Variants in ATP2B2 observed in about 807,000 individuals in gnomAD.
ATP2B2 encodes plasma membrane calcium-transporting ATPase 2.
ATP2B2 carries 15 observed loss-of-function variants against 120.0 expected under a neutral mutation model. The observed-to-expected ratio is 0.12, with a 90% confidence interval of 0.08 to 0.19. The LOEUF (loss-of-function observed/expected upper bound fraction) is 0.19, where lower values mean the gene tolerates loss of function less well. Ranked by LOEUF, ATP2B2 falls within the 10% of genes least tolerant of loss-of-function variation. The pLI is 1.00. For synonymous variants in ATP2B2, 694 were observed against 700.3 expected, an observed-to-expected ratio of 0.99 and a Z score of 0.14; for missense variants, 1,045 against 1,719.8, an observed-to-expected ratio of 0.61 and a Z score of 6.94.
At chr3:10,499,715 C>T (rs1434133040) in intron 1 of ATP2B2, among the ~76,000 whole-genome samples, 1 of 152,112 alleles carries the variant, frequency 6.6e-6, no homozygotes, top group Non-Finnish European at 1.5e-5. Flanking sequence ...CCCTGCCTGT[C>T]TCCAGCCTCT....
At chr3:10,477,182 A>G (rs957632483) in intron 1 of ATP2B2, among the ~76,000 whole-genome samples, 1 of 152,176 alleles carries the variant, frequency 6.6e-6, no homozygotes, top group African/African-American at 2.4e-5. Context: ...CAGCTTCAAC[A>G]GATCTCAAGC....
chr3:10,528,604 G>C (rs889434762), intron 3 of ATP2B2, among the ~76,000 whole-genome samples: 2 of 152,116 alleles, frequency 1.3e-5, no homozygotes, highest in Non-Finnish European at 2.9e-5. Context: ...TTCCTCCTTC[G>C]TGTGCCAACG....
At chr3:10,471,096 G>T (rs192762163) in intron 1 of ATP2B2, among the ~76,000 whole-genome samples, 1 of 152,186 alleles carries the variant, frequency 6.6e-6, no homozygotes. Flanking sequence ...AACCCGATCC[G>T]CAGTCCGACC....
rs757823801 is a variant in ATP2B2 at position 10,328,886 on chromosome 3, C to T, written c.3660G>A (p.Thr1220=). 9.9e-6 allele frequency: 16 copies of T among 1,613,730 alleles called. No individual in the cohort carries two copies. Among genetic ancestry groups the T allele is most frequent in the Middle Eastern group, 1.6e-4 (1 of 6,062 alleles). ...AGGTAGCTGATTTGCTTGTGTCGGT[C>T]GTCAGGTTGATCCCACTGTCGATGG... The part of the protein sequence containing the change: ...NSAIDSGINL[T]TDTSKSATSS... Residue 1220 remains threonine, a synonymous_variant, in exon 23 of 23, where the codon ACG becomes ACA. Coordinates refer to ENST00000360273, the MANE Select transcript of ATP2B2 (RefSeq NM_001001331.4).
At chr3:10,445,619 T>A (rs1436289671) in intron 2 of ATP2B2, among the ~76,000 whole-genome samples, 1 of 152,266 alleles carries the variant, frequency 6.6e-6, no homozygotes, top group Non-Finnish European at 1.5e-5. Context: ...CTGCCAGCCG[T>A]GCCCTGGGTG....
chr3:10,529,467 C>T (rs1052625737), intron 3 of ATP2B2, among the ~76,000 whole-genome samples: 5 of 152,222 alleles, frequency 3.3e-5, no homozygotes, highest in African/African-American at 1.2e-4. Context: ...ACAATGACCC[C>T]ACAGTCTCAG....
chr3:10,678,513 G>A (rs1476496720), intron 1 of ATP2B2, among the ~76,000 whole-genome samples: 1 of 152,160 alleles, frequency 6.6e-6, no homozygotes, highest in Non-Finnish European at 1.5e-5. Flanking sequence ...TGGCTTCTGG[G>A]GGCCCAGGTC....
At chr3:10,503,719 G>T in intron 1 of ATP2B2, among the ~76,000 whole-genome samples, 1 of 152,274 alleles carries the variant, frequency 6.6e-6, no homozygotes, top group East Asian at 1.9e-4. Context: ...CAATGCACGG[G>T]CAGGCACGCA....
intron 1 of ATP2B2, among the ~76,000 whole-genome samples, chr3:10,487,515 T>C (rs1049249298): frequency 6.6e-6 from 1 of 152,222 alleles, no homozygotes; most frequent in Admixed American, 6.5e-5. Context: ...ATGAAGCCAG[T>C]GGGCCACAAA....
chr3:10,632,857 C>G lies in ATP2B2; in HGVS notation c.-459-12896G>C, dbSNP rs369121996. ...CCCGGAATAGTGAGGCCCAGTGGAA[C>G]TGCTGCTTATCCCTGTTCCCCTGGT... On this transcript the variant is annotated intron_variant, in intron 1 of 21. Transcript: ENST00000646379. 2.6e-3 allele frequency among the ~76,000 whole-genome samples: 403 copies of G among 152,368 alleles called. 23 individuals are homozygous for G. The South Asian group carries it at 0.073, about 28-fold the overall frequency.
At chr3:10,362,453 G>GA (rs1409625668) in intron 12 of ATP2B2, among the ~76,000 whole-genome samples, 1 of 151,984 alleles carries the variant, frequency 6.6e-6, no homozygotes, top group Non-Finnish European at 1.5e-5. Flanking sequence ...GGATGCATAG[G>GA]AAAAAAAAGA....
chr3:10,497,946 C>T (rs981319407), intron 1 of ATP2B2, among the ~76,000 whole-genome samples: 3 of 152,192 alleles, frequency 2.0e-5, no homozygotes, highest in African/African-American at 7.2e-5. Flanking sequence ...CTGGCTTCTT[C>T]CCACCAGCCT....
intron 2 of ATP2B2, among the ~76,000 whole-genome samples, chr3:10,593,978 A>C (rs2068703335): frequency 6.6e-6 from 1 of 152,260 alleles, no homozygotes; most frequent in South Asian, 2.1e-4. Flanking sequence ...GCTCATCATC[A>C]CTGGCCATCA....
chr3:10,341,772 C>G (rs2060285706), intron 19 of ATP2B2, among the ~76,000 whole-genome samples: 1 of 152,230 alleles, frequency 6.6e-6, no homozygotes, highest in Non-Finnish European at 1.5e-5. Flanking sequence ...TCCAACCCCT[C>G]CACCTCCTCT....
At chr3:10,520,181 C>T (rs34069475) in intron 3 of ATP2B2, among the ~76,000 whole-genome samples, 15 of 152,216 alleles carry the variant, frequency 9.9e-5, no homozygotes, top group Non-Finnish European at 2.1e-4. Context: ...TGTCCTTAGC[C>T]AGAAAATTAA....
chr3:10,513,913 G>A (rs2066826565), intron 3 of ATP2B2, among the ~76,000 whole-genome samples: 1 of 152,146 alleles, frequency 6.6e-6, no homozygotes, highest in Admixed American at 6.5e-5. Context: ...ACCCCCCAGG[G>A]CAGCTGGGTA....
intron 2 of ATP2B2, among the ~76,000 whole-genome samples, chr3:10,609,837 G>A (rs1165061122): frequency 2.6e-5 from 4 of 152,062 alleles, no homozygotes; most frequent in South Asian, 2.1e-4. Flanking sequence ...ATCAATTCAC[G>A]GGGGAGTGGG....
At chr3:10,632,054 A>G (rs889489900) in intron 1 of ATP2B2, among the ~76,000 whole-genome samples, 1 of 152,186 alleles carries the variant, frequency 6.6e-6, no homozygotes, top group African/African-American at 2.4e-5. Flanking sequence ...TCTCTGTGTG[A>G]CTTTAGAAAA....
At chr3:10,490,485 C>A (rs927650321) in intron 1 of ATP2B2, among the ~76,000 whole-genome samples, 1 of 149,612 alleles carries the variant, frequency 6.7e-6, no homozygotes, top group East Asian at 2.0e-4. Context: ...CTCACTGCAA[C>A]CTCCTCCTGT....
Sources: allele counts gnomAD v4.1 joint callset (sites outside exome capture counted in the v4.1 genomes callset), GRCh38; gene constraint gnomAD v4.1.1; transcripts MANE v1.5; gene names NCBI Gene and HGNC (gene_info 2026-07-23, HGNC 2026-07-21).